LAMA5: variants seen among roughly 807,000 people sequenced by gnomAD.
The protein encoded by LAMA5 is laminin subunit alpha-5.
A neutral mutation model predicts 433.4 loss-of-function variants in LAMA5; 260 were observed. The observed-to-expected ratio is 0.60, with a 90% CI of 0.54 to 0.66. LAMA5 has a LOEUF of 0.66. LAMA5 is among the 30% of genes least tolerant of loss of function. LAMA5 has a pLI of 0.00. For missense variants in LAMA5, 5,378 were observed against 5,258.5 expected, an observed-to-expected ratio of 1.02 and a Z score of -0.70; for synonymous variants, 2,620 against 2,226.6, an observed-to-expected ratio of 1.18 and a Z score of -4.97.
Position 62,362,395 on chromosome 20 carries a change from C to T in LAMA5, c.450+5G>A, listed in dbSNP as rs1986235292. The T allele has an allele frequency of 2.6e-6, 4 of 1,517,892 alleles. No individual in the cohort carries two copies. The highest frequency in any genetic ancestry group is 2.7e-6 in the Non-Finnish European group (3 of 1,125,336). The allele number at this position is 1,517,892 out of a possible 1,614,324, so 94.0% of individuals were successfully genotyped here. A position where few individuals can be genotyped will look rare whatever the true frequency, so the allele number is the denominator to read the frequency against. On this transcript the variant is annotated splice_donor_5th_base_variant and intron_variant, in intron 2 of 79. Coordinates refer to ENST00000252999, the MANE Select transcript of LAMA5 (RefSeq NM_005560.6). Reference sequence around the variant, plus strand: ...GGGCTGCAGCACGCAAAGAAGGGTCCCTACCTGGCCCAGGTCCAGGGTGAC... The same window carrying T: ...GGGCTGCAGCACGCAAAGAAGGGTCTCTACCTGGCCCAGGTCCAGGGTGAC...
chr20:62,365,311 G>C (rs521205), intron 1 of LAMA5, among the ~76,000 whole-genome samples: 152,216 of 152,388 alleles, frequency 1, 76,023 homozygotes, highest in Middle Eastern at 1. Flanking sequence ...TCAGGTGAGG[G>C]GGGCCAGCAC....
intron 2 of LAMA5, chr20:62,355,491 A>G: frequency 6.6e-6 from 1 of 152,474 alleles, no homozygotes; most frequent in Non-Finnish European, 1.5e-5. Flanking sequence ...GTAGGGGGCA[A>G]GGTTCCAGGA....
Position 62,311,690 on chromosome 20 carries a change from G to C in LAMA5, c.9730C>G (p.Leu3244Val), listed in dbSNP as rs1369710051. ...LQPQPEGPPRLLLGGLPESGT... is the reference protein window; with the variant it reads ...LQPQPEGPPRVLLGGLPESGT... ...GACTCAGGCAGGCCTCCCAGGAGGA[G>C]CCTCGGGGGCCCCTCAGGCTGCGGC... is the stretch of plus-strand genomic sequence containing the variant. Residue 3244 changes from leucine (L) to valine (V), a missense_variant, in exon 71 of 80, where the codon CTC becomes GTC. Physicochemically the swap from Leu to Val is conservative, Grantham distance 32. Transcript: ENST00000252999. 1.3e-6 allele frequency: 2 copies of C among 1,580,764 alleles called. No individual in the cohort carries two copies. The highest frequency in any genetic ancestry group is 3.7e-5 in the Admixed American group (2 of 54,414).
At chr20:62,311,816 T>TGGGCGCC in intron 70 of LAMA5, 32 bp from the exon 71 acceptor site, 4 of 1,521,006 alleles carry the variant, frequency 2.6e-6, no homozygotes, top group South Asian at 1.2e-5. Context: ...GCTCGGTTTT[T>TGGGCGCC]CCCCACCCTG....
intron 20 of LAMA5, 67 bp from the exon 21 acceptor site, chr20:62,334,688 C>A (rs1981205774): frequency 3.1e-6 from 4 of 1,311,250 alleles, no homozygotes; most frequent in Middle Eastern, 2.0e-4. Context: ...CCCCTCACAG[C>A]CAGACTGAGA....
rs1430882948 is a variant in LAMA5 at position 62,325,470 on chromosome 20, T to C, written c.5375A>G (p.Gln1792Arg). ...ELMMVLASLE[Q>R]LQIRALFSQI... ...TGAGAAGAGGGCACGGATCTGCAGC[T>C]GCTCCAGGCTGGCCAGCACCATCAT... The change falls in exon 41 of 80, where the codon CAG becomes CGG. Residue 1792 changes from glutamine (Q) to arginine (R), a missense_variant. Coordinates refer to ENST00000252999, the MANE Select transcript of LAMA5 (RefSeq NM_005560.6). The C allele has an allele frequency of 2.5e-6, 4 of 1,612,978 alleles. No homozygotes were observed. The highest frequency in any genetic ancestry group is 2.5e-6 in the Non-Finnish European group (3 of 1,179,942).
At position 62,310,727 on chromosome 20, in the gene LAMA5, G is replaced by A. The variant is rs902041085; in HGVS notation, c.10384C>T (p.Pro3462Ser). ...PHRQHQGAEHPQPHTLFVGGL... is the reference protein window; with the variant it reads ...PHRQHQGAEHSQPHTLFVGGL... ...CCCACAAAGAGGGTGTGGGGCTGGG[G>A]GTGCTCTGCCCCCTGGTGCTGCCGG... The change falls in exon 75 of 80, where the codon CCC becomes TCC. Residue 3462 changes from proline to serine, a missense_variant. By Grantham distance (74) the Pro-to-Ser change is moderately conservative. Transcript: ENST00000252999. 6.3e-7 allele frequency: 1 copy of A among 1,593,398 alleles called. No homozygotes were observed. Among genetic ancestry groups the A allele is most frequent in the African/African-American group, 1.3e-5 (1 of 74,702 alleles).
chr20:62,315,809 C>G (rs919585888), intron 58 of LAMA5, 139 bp downstream of exon 58: 11 of 662,830 alleles, frequency 1.7e-5, no homozygotes, highest in East Asian at 5.5e-5. Context: ...GGTAGGCTTT[C>G]TGTGTCTGGC....
intron 11 of LAMA5, among the ~76,000 whole-genome samples, chr20:62,340,446 G>T (rs1982426179): frequency 6.6e-6 from 1 of 151,150 alleles, no homozygotes; most frequent in Admixed American, 6.6e-5. Flanking sequence ...CGAGTAGCTG[G>T]GATTACAGGC....
At position 62,330,736 on chromosome 20, in the gene LAMA5, C is replaced by T; in HGVS notation, c.3852+7G>A. ...ACCCCCGTCCCTCTAGAGACTATGG[C>T]CCTCACCTGGGGCTCACGCAGCAGG... On this transcript the variant is annotated splice_region_variant and intron_variant, in intron 30 of 79. Coordinates refer to ENST00000252999, the MANE Select transcript of LAMA5 (RefSeq NM_005560.6). 4.5e-6 allele frequency: 7 copies of T among 1,558,060 alleles called. No homozygotes were observed. The highest frequency in any genetic ancestry group is 6.1e-6 in the Non-Finnish European group (7 of 1,151,526).
At chr20:62,362,092 C>T (rs191480779) in intron 2 of LAMA5, among the ~76,000 whole-genome samples, 1 of 152,246 alleles carries the variant, frequency 6.6e-6, no homozygotes, top group Admixed American at 6.5e-5. Context: ...GCTCACAGCA[C>T]CTCCGCCCTC....
intron 48 of LAMA5, among the ~76,000 whole-genome samples, chr20:62,321,662 A>G (rs866196137): frequency 3.4e-5 from 2 of 59,570 alleles, no homozygotes; most frequent in Non-Finnish European, 6.2e-5. Flanking sequence ...GGTGGGGCCA[A>G]TGGGGGTGGG....
intron 26 of LAMA5, 57 bp downstream of exon 26, chr20:62,333,033 G>A: frequency 7.0e-7 from 1 of 1,419,408 alleles, no homozygotes; most frequent in Non-Finnish European, 9.3e-7. Context: ...AGGACCCCCA[G>A]CCCCCAGGCC....
rs754610401 is a variant in LAMA5 at position 62,338,515 on chromosome 20, G to A, written c.1571C>T (p.Thr524Ile). The change falls in exon 12 of 80, where the codon ACC (threonine) becomes ATC (isoleucine). Residue 524 changes from threonine (T) to isoleucine (I), a missense_variant. By Grantham distance (89) the Thr-to-Ile change is moderately conservative. Coordinates refer to ENST00000252999, the MANE Select transcript of LAMA5 (RefSeq NM_005560.6). ...RCLCKPNFQG[T>I]HCELCAPGFY... ...CCCTGGCGCGCAGAGCTCACAATGGGTGCCTTGGAAGTTGGGTTTGCACAG... is the reference window on the plus strand; with the variant it reads ...CCCTGGCGCGCAGAGCTCACAATGGATGCCTTGGAAGTTGGGTTTGCACAG... The A allele has an allele frequency of 1.9e-6, 3 of 1,610,116 alleles. No homozygotes were observed. The highest frequency in any genetic ancestry group is 2.5e-6 in the Non-Finnish European group (3 of 1,179,084).
At chr20:62,349,296 G>GT (rs1368291744) in intron 6 of LAMA5, among the ~76,000 whole-genome samples, 3 of 132,556 alleles carry the variant, frequency 2.3e-5, no homozygotes, top group African/African-American at 8.3e-5. Context: ...AAAAAAAAGC[G>GT]TGAGTCCTGA....
chr20:62,359,963 C>T lies in LAMA5; in HGVS notation c.450+2437G>A, dbSNP rs1985786032. ...CCCCACCCCCGTCCCAGGGCATCCG[C>T]TCCAGATCCCAGAACAAAGGCTGCT... On this transcript the variant is annotated intron_variant, in intron 2 of 79. Transcript: ENST00000252999. This position sits in a 1 kb window ranked among gnomAD's most constrained non-coding sequence, Gnocchi z 4.3. 6.6e-6 allele frequency among the ~76,000 whole-genome samples: 1 copy of T among 151,066 alleles called. No individual in the cohort carries two copies. The highest frequency in any genetic ancestry group is 2.4e-5 in the African/African-American group (1 of 41,060).
intron 18 of LAMA5, among the ~76,000 whole-genome samples, chr20:62,336,023 G>A (rs144240903): frequency 0.028 from 3,248 of 117,000 alleles, 114 homozygotes; most frequent in Admixed American, 0.13. Flanking sequence ...CAGCCCCTCC[G>A]AGGAACCCCT....
chr20:62,337,598 T>C lies in LAMA5; in HGVS notation c.2156A>G (p.Tyr719Cys), dbSNP rs574616281. Residue 719 changes from tyrosine to cysteine, a missense_variant, in exon 16 of 80, where the codon TAC (tyrosine) becomes TGC (cysteine). Transcript: ENST00000252999. ...GCCACCTGCCTGCTCACCTTCGCAG[T>C]AGGGGAAGTTGTAGGCACCGGGCAC... Reference protein sequence around the residue: ...TCVPGAYNFPYCEAGSCHPAG... With the variant: ...TCVPGAYNFPCCEAGSCHPAG... 3.1e-6 allele frequency: 5 copies of C among 1,607,364 alleles called. No individual in the cohort carries two copies. Among genetic ancestry groups the C allele is most frequent in the South Asian group, 2.2e-5 (2 of 90,440 alleles).
chr20:62,346,356 T>G (rs1347541082), intron 9 of LAMA5, 141 bp from the exon 10 acceptor site: 1 of 1,370,018 alleles, frequency 7.3e-7, no homozygotes, highest in Non-Finnish European at 9.9e-7. Flanking sequence ...ACATGAGGGC[T>G]GGGGACCCGC....
Sources: allele counts gnomAD v4.1 joint callset (sites outside exome capture counted in the v4.1 genomes callset), GRCh38; gene constraint gnomAD v4.1.1; non-coding constraint Gnocchi (gnomAD v3.1); transcripts MANE v1.5; gene names NCBI Gene and HGNC (gene_info 2026-07-23, HGNC 2026-07-21).